KIF26B: variants seen among roughly 807,000 people sequenced by gnomAD.
The protein encoded by KIF26B is kinesin family member 26B.
A neutral mutation model predicts 151.2 loss-of-function variants in KIF26B; 63 were observed. That is an observed-to-expected ratio of 0.42 (90% CI 0.34 to 0.51). The LOEUF (loss-of-function observed/expected upper bound fraction) is 0.51, where lower values mean the gene tolerates loss of function less well. Ranked by LOEUF, KIF26B falls within the 20% of genes least tolerant of loss-of-function variation. The pLI is 0.07. For synonymous variants in KIF26B, 1,357 were observed against 1,262.1 expected (o/e 1.08, Z -1.59); for missense variants, 2,813 against 2,913.6 (o/e 0.97, Z 0.79).
At chr1:245,460,789 G>T (rs1192761107) in intron 4 of KIF26B, among the ~76,000 whole-genome samples, 2 of 152,188 alleles carry the variant, frequency 1.3e-5, no homozygotes, top group Non-Finnish European at 2.9e-5. Flanking sequence ...GTGCTTACAC[G>T]CAGCTCAAAA....
At chr1:245,355,204 C>T (rs1033786300) in intron 2 of KIF26B, among the ~76,000 whole-genome samples, 13 of 152,130 alleles carry the variant, frequency 8.5e-5, no homozygotes, top group Non-Finnish European at 1.9e-4. Context: ...GGATTACAGG[C>T]GTGAGCCACT....
chr1:245,541,377 T>A (rs1661618117), intron 5 of KIF26B, among the ~76,000 whole-genome samples: 1 of 152,224 alleles, frequency 6.6e-6, no homozygotes, highest in Admixed American at 6.5e-5. Flanking sequence ...ACTTCTGCTT[T>A]GAAGCAGCCC....
chr1:245,325,415 G>C (rs553232000), intron 2 of KIF26B, among the ~76,000 whole-genome samples: 7 of 152,124 alleles, frequency 4.6e-5, no homozygotes, highest in Non-Finnish European at 1.0e-4. Context: ...ATAAAGACAG[G>C]CTTAAGAATC....
Position 245,667,162 on chromosome 1 carries a change from C to A in KIF26B, c.2259-17071C>A, listed in dbSNP as rs1398221826. On this transcript the variant is annotated intron_variant, in intron 10 of 14. Coordinates refer to ENST00000407071, the MANE Select transcript of KIF26B (RefSeq NM_018012.4). This position sits in a 1 kb window ranked among gnomAD's most constrained non-coding sequence, Gnocchi z 4.3. ...CTTATGCTAGGCACTCCTTCCAGCC[C>A]AAGGCAGCATCGTCTACTTTGGTTT... Among the ~76,000 whole-genome samples, 1 of 152,202 alleles carries A rather than the reference C, an allele frequency of 6.6e-6. No individual in the cohort carries two copies. The highest frequency in any genetic ancestry group is 1.9e-4 in the East Asian group (1 of 5,160).
chr1:245,511,002 T>G (rs1660821809), intron 4 of KIF26B: 1 of 692,206 alleles, frequency 1.4e-6, no homozygotes, highest in East Asian at 2.7e-5. Context: ...TTTTACTTTC[T>G]CCTGAGATGG....
Position 245,419,432 on chromosome 1 carries a change from G to T in KIF26B, c.1000-147G>T, listed in dbSNP as rs927381661. The T allele has an allele frequency of 1.1e-5, 6 of 568,342 alleles. No individual in the cohort carries two copies. The Admixed American group carries it at 1.2e-4, about 11-fold the overall frequency. 35.2% of individuals were successfully genotyped at this position (568,342 alleles called of 1,614,324 possible). ...AATGCTGGAAAATAGCCTTCCAGTA[G>T]CCCTAAGCATCCACGTGTAACTGAA... On this transcript the variant is annotated intron_variant, in intron 3 of 14. Coordinates refer to ENST00000407071, the MANE Select transcript of KIF26B (RefSeq NM_018012.4).
chr1:245,481,513 G>A (rs1433352625), intron 4 of KIF26B, among the ~76,000 whole-genome samples: 1 of 151,916 alleles, frequency 6.6e-6, no homozygotes, highest in Admixed American at 6.6e-5. Context: ...TGTGTATCCA[G>A]CATCACTGAG....
chr1:245,546,640 C>A (rs927214444), intron 5 of KIF26B, among the ~76,000 whole-genome samples: 5 of 152,330 alleles, frequency 3.3e-5, no homozygotes, highest in Admixed American at 3.3e-4. Context: ...CCCACTGGAT[C>A]CCAGTAGATT....
At chr1:245,431,279 A>C (rs1383776630) in intron 4 of KIF26B, among the ~76,000 whole-genome samples, 1 of 145,850 alleles carries the variant, frequency 6.9e-6, no homozygotes, top group South Asian at 2.2e-4. Context: ...CCTGGGTTCA[A>C]GCAATTCTCC....
intron 9 of KIF26B, among the ~76,000 whole-genome samples, chr1:245,626,329 TA>T (rs2043724100): frequency 6.6e-6 from 1 of 152,164 alleles, no homozygotes; most frequent in Non-Finnish European, 1.5e-5. Context: ...ATACTGGCTG[TA>T]CTAATTTACA....
At chr1:245,316,543 T>G (rs1220615096) in intron 2 of KIF26B, among the ~76,000 whole-genome samples, 2 of 152,180 alleles carry the variant, frequency 1.3e-5, no homozygotes, top group Non-Finnish European at 2.9e-5. Context: ...TTTCAATTTT[T>G]TTTTAATCAT....
chr1:245,503,991 G>A (rs1455633295), intron 4 of KIF26B, among the ~76,000 whole-genome samples: 1 of 152,162 alleles, frequency 6.6e-6, no homozygotes, highest in East Asian at 1.9e-4. Context: ...GGTTTCCTAA[G>A]GAAAGGAACC....
intron 3 of KIF26B, among the ~76,000 whole-genome samples, chr1:245,402,135 T>A (rs1285037090): frequency 1.3e-5 from 2 of 152,156 alleles, no homozygotes; most frequent in East Asian, 3.9e-4. Context: ...GCAGCTGTTC[T>A]CCACGTTGGT....
chr1:245,303,420 GA>G (rs750044139), intron 2 of KIF26B, among the ~76,000 whole-genome samples: 2 of 150,360 alleles, frequency 1.3e-5, no homozygotes, highest in Non-Finnish European at 2.9e-5. Context: ...GGATGGTCTC[GA>G]TCTCCTGACC....
intron 5 of KIF26B, among the ~76,000 whole-genome samples, chr1:245,558,736 G>C (rs1444808410): frequency 1.3e-5 from 2 of 152,170 alleles, no homozygotes; most frequent in Non-Finnish European, 2.9e-5. Flanking sequence ...TCTTTACCTG[G>C]ACAACATAAC....
At chr1:245,481,227 A>C (rs1572084291) in intron 4 of KIF26B, among the ~76,000 whole-genome samples, 2 of 151,840 alleles carry the variant, frequency 1.3e-5, no homozygotes, top group East Asian at 3.8e-4. Context: ...TTCTCCATAA[A>C]CAAGAACTGG....
intron 5 of KIF26B, among the ~76,000 whole-genome samples, chr1:245,586,909 A>C (rs1231407890): frequency 1.4e-5 from 2 of 146,924 alleles, no homozygotes; most frequent in Non-Finnish European, 3.0e-5. Flanking sequence ...AAAAAAAAAA[A>C]CATCAAACAA....
intron 12 of KIF26B, among the ~76,000 whole-genome samples, chr1:245,689,939 A>C (rs1453924336): frequency 6.6e-6 from 1 of 152,128 alleles, no homozygotes; most frequent in African/African-American, 2.4e-5. Flanking sequence ...AGACTTGTTA[A>C]TTGGAGTCTT....
chr1:245,340,205 T>G (rs998832146), intron 2 of KIF26B, among the ~76,000 whole-genome samples: 5 of 152,224 alleles, frequency 3.3e-5, no homozygotes, highest in Non-Finnish European at 5.9e-5. Context: ...AATGCTCAAG[T>G]CCCTGGTATA....
Sources: gnomAD v4.1 joint callset for allele counts (sites outside exome capture counted in the v4.1 genomes callset) on GRCh38, gnomAD v4.1.1 for gene constraint, Gnocchi (gnomAD v3.1) non-coding constraint, MANE v1.5 for transcripts, NCBI Gene and HGNC (gene_info 2026-07-23, HGNC 2026-07-21) for gene names.